CPQ: variants seen among roughly 807,000 people sequenced by gnomAD.
CPQ encodes the protein Ser-Met dipeptidase.
CPQ carries 37 observed loss-of-function variants against 45.7 expected under a neutral mutation model. The ratio of observed to expected loss-of-function variants is 0.81; its 90% confidence interval spans 0.62 to 1.07. The LOEUF is 1.07. Ranked by LOEUF, CPQ falls within the 50% of genes least tolerant of loss-of-function variation. The pLI, the probability that CPQ is intolerant of heterozygous loss-of-function variation, is 0.00. For missense variants in CPQ, 537 were observed against 572.9 expected (o/e 0.94, Z 0.64); for synonymous variants, 186 against 205.8 (o/e 0.90, Z 0.82).
At chr8:96,760,801 A>G (rs1412867536) in intron 1 of CPQ, among the ~76,000 whole-genome samples, 4 of 152,218 alleles carry the variant, frequency 2.6e-5, no homozygotes, top group Non-Finnish European at 5.9e-5. Flanking sequence ...AATGACACGC[A>G]TATTTAGGAA....
chr8:96,991,290 TCA>T (rs1809087809), intron 5 of CPQ, among the ~76,000 whole-genome samples: 1 of 152,120 alleles, frequency 6.6e-6, no homozygotes. Flanking sequence ...TCATGGTGGC[TCA>T]CACCTCTAAT....
chr8:96,930,068 A>G (rs28551023), intron 4 of CPQ, among the ~76,000 whole-genome samples: 12,210 of 152,216 alleles, frequency 0.08, 953 homozygotes, highest in African/African-American at 0.21. Context: ...TCCCTGAGAC[A>G]TATTCAGAAA....
chr8:96,647,473 T>C (rs1249302781), intron 1 of CPQ, among the ~76,000 whole-genome samples: 19 of 152,192 alleles, frequency 1.2e-4, no homozygotes, highest in Admixed American at 1.2e-3. Flanking sequence ...AGCTAGATAC[T>C]ATGGTAAGTC....
intron 1 of CPQ, among the ~76,000 whole-genome samples, chr8:96,713,733 AG>A (rs1809642710): frequency 6.6e-6 from 1 of 152,202 alleles, no homozygotes; most frequent in African/African-American, 2.4e-5. Flanking sequence ...AACCATACCA[AG>A]GTCCTTGAGT....
chr8:96,944,776 T>C (rs1043259739), intron 4 of CPQ, among the ~76,000 whole-genome samples: 1 of 152,202 alleles, frequency 6.6e-6, no homozygotes, highest in Admixed American at 6.5e-5. Context: ...TAGTATACTC[T>C]TTTTAAACAG....
At chr8:96,905,581 G>A (rs949571714) in intron 4 of CPQ, among the ~76,000 whole-genome samples, 22 of 152,074 alleles carry the variant, frequency 1.4e-4, no homozygotes, top group African/African-American at 4.8e-4. Context: ...CAAACAGCAG[G>A]ACCTCGGGTC....
At chr8:96,783,377 G>A (rs1327941145) in intron 1 of CPQ, among the ~76,000 whole-genome samples, 1 of 152,028 alleles carries the variant, frequency 6.6e-6, no homozygotes, top group East Asian at 1.9e-4. Context: ...CCAAGAATGA[G>A]GGGCCACATC....
intron 3 of CPQ, among the ~76,000 whole-genome samples, chr8:96,842,944 G>T (rs914709284): frequency 3.3e-5 from 5 of 152,118 alleles, no homozygotes; most frequent in Admixed American, 3.3e-4. Flanking sequence ...TGCTCTTGTT[G>T]CCCAGGCTGC....
chr8:96,926,432 G>A (rs548534173), intron 4 of CPQ, among the ~76,000 whole-genome samples: 3 of 152,084 alleles, frequency 2.0e-5, no homozygotes, highest in Non-Finnish European at 2.9e-5. Context: ...TTCAATAAAC[G>A]TTTATGGAAT....
At chr8:96,968,201 A>G (rs1387060760) in intron 5 of CPQ, among the ~76,000 whole-genome samples, 1 of 152,158 alleles carries the variant, frequency 6.6e-6, no homozygotes, top group African/African-American at 2.4e-5. Context: ...CATCCCTTGT[A>G]TGATAGAAAC....
intron 3 of CPQ, among the ~76,000 whole-genome samples, chr8:96,867,923 A>T (rs1389238752): frequency 1.3e-5 from 2 of 151,992 alleles, no homozygotes; most frequent in Non-Finnish European, 2.9e-5. Context: ...TATGGTAATC[A>T]TTAGCACTGG....
intron 5 of CPQ, among the ~76,000 whole-genome samples, chr8:97,001,974 T>G (rs1029970417): frequency 2.6e-5 from 4 of 152,066 alleles, no homozygotes; most frequent in African/African-American, 9.7e-5. Context: ...GAGATCCAGT[T>G]TATTCCTGGT....
chr8:96,789,800 T>C (rs972949416), intron 2 of CPQ, among the ~76,000 whole-genome samples: 1 of 152,218 alleles, frequency 6.6e-6, no homozygotes, highest in Admixed American at 6.5e-5. Context: ...TCAGAGGTTG[T>C]CCTTAAACAC....
intron 4 of CPQ, among the ~76,000 whole-genome samples, chr8:96,960,570 A>G (rs1586468207): frequency 6.6e-6 from 1 of 152,148 alleles, no homozygotes; most frequent in Admixed American, 6.6e-5. Flanking sequence ...TGTTCTCACC[A>G]CTGAGTTGCA....
At chr8:96,706,699 C>T (rs953732010) in intron 1 of CPQ, among the ~76,000 whole-genome samples, 7 of 152,132 alleles carry the variant, frequency 4.6e-5, no homozygotes, top group African/African-American at 1.7e-4. Flanking sequence ...AACTGCTTTA[C>T]ATTTTCCGGT....
chr8:96,712,659 C>A (rs576475662), intron 1 of CPQ, among the ~76,000 whole-genome samples: 1 of 152,314 alleles, frequency 6.6e-6, no homozygotes, highest in South Asian at 2.1e-4. Context: ...AGCTGGGATG[C>A]AGGGCATCAT....
chr8:96,786,651 T>C, intron 2 of CPQ, among the ~76,000 whole-genome samples: 1 of 152,140 alleles, frequency 6.6e-6, no homozygotes, highest in Non-Finnish European at 1.5e-5. Flanking sequence ...ACTGACAATG[T>C]ATTATAATTT....
rs186321542 is a variant in CPQ, at chr8:96,659,562, C to T, written c.-35+14160C>T. On this transcript the variant is annotated intron_variant, in intron 1 of 7. Coordinates refer to ENST00000220763, the MANE Select transcript of CPQ (RefSeq NM_016134.4). The stretch of plus-strand genomic sequence containing the variant: ...CTACGGCTTTAATAATCTTTCTATA[C>T]ACATGAGATCTTCATCTCTACACTT... 3.3e-5 allele frequency among the ~76,000 whole-genome samples: 5 copies of T among 152,332 alleles called. No homozygotes were observed. In the East Asian group the frequency reaches 9.6e-4, roughly 29 times the overall value.
At chr8:97,089,488 GTTC>G (rs938009086) in intron 7 of CPQ, among the ~76,000 whole-genome samples, 44 of 152,174 alleles carry the variant, frequency 2.9e-4, no homozygotes, top group African/African-American at 9.9e-4. Flanking sequence ...TAGTCCGCTA[GTTC>G]TTCTTCATTT....
Sources: allele counts gnomAD v4.1 joint callset (sites outside exome capture counted in the v4.1 genomes callset), GRCh38; gene constraint gnomAD v4.1.1; transcripts MANE v1.5; gene names NCBI Gene and HGNC (gene_info 2026-07-23, HGNC 2026-07-21).